LAMC3: variants seen among roughly 807,000 people sequenced by gnomAD.
The protein encoded by LAMC3 is laminin subunit gamma 3, also known as laminin subunit gamma-3.
LAMC3 carries 128 observed loss-of-function variants against 173.8 expected under a neutral mutation model. That is an observed-to-expected ratio of 0.74 (90% CI 0.64 to 0.85). The LOEUF is 0.85. LAMC3 is among the 40% of genes least tolerant of loss of function. The pLI is 0.00. For missense variants in LAMC3, 2,022 were observed against 2,156.0 expected (o/e 0.94, Z 1.23); for synonymous variants, 897 against 909.1 (o/e 0.99, Z 0.24).
intron 1 of LAMC3, among the ~76,000 whole-genome samples, chr9:131,015,985 G>A (rs555566679): frequency 6.6e-6 from 1 of 152,286 alleles, no homozygotes; most frequent in East Asian, 1.9e-4. Flanking sequence ...AATAGCCAAA[G>A]GCAAGGCAGC....
In LAMC3 at chr9:131,029,174, C is replaced by G. The variant is rs1349994980; in HGVS notation, c.678+2585C>G. 6.6e-6 allele frequency among the ~76,000 whole-genome samples: 1 copy of G among 152,226 alleles called. No individual in the cohort carries two copies. Among genetic ancestry groups the G allele is most frequent in the Admixed American group, 6.5e-5 (1 of 15,284 alleles). On this transcript the variant is annotated intron_variant, in intron 2 of 27. Transcript: ENST00000361069. This position sits in a 1 kb window ranked among gnomAD's most constrained non-coding sequence, Gnocchi z 4.6. ...CATCCAAGGATATGGAGGTCACTCCCCTGGATCCAGGGCAAAGGGCCAGGC... is the reference window on the plus strand; with the variant it reads ...CATCCAAGGATATGGAGGTCACTCCGCTGGATCCAGGGCAAAGGGCCAGGC...
At chr9:131,076,073 G>T in intron 21 of LAMC3, 108 bp downstream of exon 21, 1 of 1,132,418 alleles carries the variant, frequency 8.8e-7, no homozygotes. Flanking sequence ...GAGTCCTGAC[G>T]TTCTTTGTCG....
chr9:131,013,326 G>A (rs1833457815), intron 1 of LAMC3, among the ~76,000 whole-genome samples: 1 of 152,108 alleles, frequency 6.6e-6, no homozygotes, highest in African/African-American at 2.4e-5. Context: ...CTTTCGGTGG[G>A]CTGGGGGAGT....
chr9:131,032,561 T>G (rs1243095015), intron 3 of LAMC3, among the ~76,000 whole-genome samples: 1 of 133,212 alleles, frequency 7.5e-6, no homozygotes, highest in Non-Finnish European at 1.5e-5. Context: ...TCTCTCGCTC[T>G]CTCTCTTGCT....
At chr9:131,085,316 A>T (rs886169768) in intron 24 of LAMC3, among the ~76,000 whole-genome samples, 3 of 152,158 alleles carry the variant, frequency 2.0e-5, no homozygotes, top group African/African-American at 7.2e-5. Flanking sequence ...CTCATCTCAA[A>T]ATTCCCCAAG....
chr9:131,038,971 C>T lies in LAMC3; in HGVS notation c.1084C>T (p.Pro362Ser), dbSNP rs754961749. 2 of 1,613,430 alleles carry T rather than the reference C, an allele frequency of 1.2e-6. No homozygotes were observed. The highest frequency in any genetic ancestry group is 1.7e-6 in the Non-Finnish European group (2 of 1,179,994). ...CHHCRDHTAG[P>S]HCERCQENFY... ...CCACTGCCGTGACCACACAGCTGGG[C>T]CACACTGTGAGCGCTGTCAGGAGAA... Residue 362 changes from proline (P) to serine (S), a missense_variant, in exon 5 of 28, where the codon CCA becomes TCA. Physicochemically the swap from Pro to Ser is moderately conservative, Grantham distance 74 (BLOSUM62 -1). Coordinates refer to ENST00000361069, the MANE Select transcript of LAMC3 (RefSeq NM_006059.4).
chr9:131,054,353 C>T (rs979768777), intron 11 of LAMC3, among the ~76,000 whole-genome samples: 6 of 152,180 alleles, frequency 3.9e-5, no homozygotes, highest in Non-Finnish European at 7.3e-5. Context: ...CCCCAGCACC[C>T]GCAATCCCCA....
chr9:131,033,297 C>G (rs3808811), intron 3 of LAMC3, among the ~76,000 whole-genome samples: 10,797 of 152,284 alleles, frequency 0.071, 472 homozygotes, highest in Middle Eastern at 0.27. Flanking sequence ...AAAACAGGTG[C>G]GTTCCTGCCC....
At chr9:131,050,391 C>G (rs1375996677) in intron 9 of LAMC3, among the ~76,000 whole-genome samples, 2 of 152,198 alleles carry the variant, frequency 1.3e-5, no homozygotes, top group African/African-American at 4.8e-5. Flanking sequence ...ATGAACACAT[C>G]GACCCTCTGG....
rs759159746 is a variant in LAMC3 at position 131,077,266 on chromosome 9, G to A, written c.3709G>A (p.Ala1237Thr). The stretch of plus-strand genomic sequence containing the variant: ...GCTGCCTGAAGCGGAAAGCGTGTTG[G>A]CCACCGTGCAGCAAGTTGGCGCAGA... ...EVLPEAESVL[A>T]TVQQVGADTA... The change falls in exon 22 of 28, where the codon GCC becomes ACC. Residue 1237 changes from alanine (A) to threonine (T), a missense_variant. Ala to Thr is a moderately conservative substitution (Grantham distance 58). Transcript: ENST00000361069. 7 of 1,613,882 alleles carry A rather than the reference G, an allele frequency of 4.3e-6. No homozygotes were observed. In the East Asian group the frequency reaches 1.3e-4, roughly 31 times the overall value.
At position 131,087,510 on chromosome 9, in the gene LAMC3, C is replaced by T. The variant is rs769198717; in HGVS notation, c.4265C>T (p.Ala1422Val). 17 of 1,613,808 alleles carry T rather than the reference C, an allele frequency of 1.1e-5. No homozygotes were observed. Among genetic ancestry groups the T allele is most frequent in the South Asian group, 2.2e-5 (2 of 91,090 alleles). Residue 1422 changes from alanine to valine, a missense_variant, in exon 26 of 28, where the codon GCG (alanine) becomes GTG (valine). By Grantham distance (64) the Ala-to-Val change is moderately conservative. Transcript: ENST00000361069. The stretch of plus-strand genomic sequence containing the variant: ...GCCTTGCTGAGGGAGCGGAAACAGG[C>T]GCACCGCCGTGCCAGCAGGCTCACC... ...AKALLRERKQ[A>V]HRRASRLTSQ...
intron 12 of LAMC3, among the ~76,000 whole-genome samples, chr9:131,058,360 G>T (rs1368291980): frequency 3.3e-5 from 5 of 151,976 alleles, no homozygotes; most frequent in Non-Finnish European, 7.4e-5. Context: ...TGATCCTCCT[G>T]CTTCAGCCTC....
intron 1 of LAMC3, among the ~76,000 whole-genome samples, chr9:131,018,419 G>C (rs1197939985): frequency 6.6e-6 from 1 of 151,998 alleles, no homozygotes; most frequent in Non-Finnish European, 1.5e-5. Flanking sequence ...ACAGGTGTGA[G>C]CCACTGCGCC....
intron 20 of LAMC3, among the ~76,000 whole-genome samples, chr9:131,074,388 T>C (rs1410101399): frequency 6.6e-6 from 1 of 151,166 alleles, no homozygotes; most frequent in Non-Finnish European, 1.5e-5. Flanking sequence ...GGTTGTTTCA[T>C]CCACTGCCTT....
At chr9:131,080,828 C>T (rs1259163408) in intron 23 of LAMC3, among the ~76,000 whole-genome samples, 2 of 152,118 alleles carry the variant, frequency 1.3e-5, no homozygotes, top group Non-Finnish European at 2.9e-5. Flanking sequence ...CCCATGCCTT[C>T]GTCCTCCTCC....
chr9:131,033,540 G>A (rs1035735209), intron 3 of LAMC3, among the ~76,000 whole-genome samples: 2 of 152,126 alleles, frequency 1.3e-5, no homozygotes, highest in African/African-American at 4.8e-5. Context: ...GGTTGGCAGA[G>A]TGTCAGGGCC....
Position 131,052,522 on chromosome 9 carries a change from T to C in LAMC3, c.1662T>C (p.Tyr554=), listed in dbSNP as rs374767603. 3.6e-4 allele frequency: 580 copies of C among 1,614,186 alleles called. No individual in the cohort carries two copies. Among genetic ancestry groups the C allele is most frequent in the Non-Finnish European group, 4.7e-4 (558 of 1,179,988 alleles). The change falls in exon 10 of 28, where the codon TAT becomes TAC. Residue 554 remains tyrosine, a synonymous_variant. Coordinates refer to ENST00000361069, the MANE Select transcript of LAMC3 (RefSeq NM_006059.4). ...TCCTGGGAGACCAGCGGTTCAGCTATGGGCAGCCCCTCATACTGACCTTCC... is the reference window on the plus strand; with the variant it reads ...TCCTGGGAGACCAGCGGTTCAGCTACGGGCAGCCCCTCATACTGACCTTCC... ...EKFLGDQRFS[Y]GQPLILTFRV...
chr9:131,017,282 G>A (rs573294266), intron 1 of LAMC3, among the ~76,000 whole-genome samples: 21 of 152,332 alleles, frequency 1.4e-4, no homozygotes, highest in Admixed American at 3.3e-4. Flanking sequence ...AGCTAGAAGC[G>A]TGATCGGAAA....
At chr9:131,023,727 C>A (rs950891170) in intron 1 of LAMC3, among the ~76,000 whole-genome samples, 6 of 152,302 alleles carry the variant, frequency 3.9e-5, no homozygotes, top group African/African-American at 1.4e-4. Context: ...CCCACCTCAG[C>A]CTCCCAAGCA....
Sources: gnomAD v4.1 joint callset for allele counts (sites outside exome capture counted in the v4.1 genomes callset) on GRCh38, gnomAD v4.1.1 for gene constraint, Gnocchi (gnomAD v3.1) non-coding constraint, MANE v1.5 for transcripts, NCBI Gene and HGNC (gene_info 2026-07-23, HGNC 2026-07-21) for gene names.